ZMIZ2: variants seen among roughly 807,000 people sequenced by gnomAD.
ZMIZ2 encodes zinc finger MIZ domain-containing protein 2.
In ZMIZ2, 26 loss-of-function variants were observed where a neutral mutation model predicts 93.9. That is an observed-to-expected ratio of 0.28 (90% confidence interval 0.20 to 0.38). ZMIZ2 has a LOEUF of 0.38. ZMIZ2 is among the 10% of genes least tolerant of loss of function. The pLI is 1.00. For missense variants in ZMIZ2, 1,023 were observed against 1,235.0 expected, an observed-to-expected ratio of 0.83 and a Z score of 2.57; for synonymous variants, 485 against 516.4, an observed-to-expected ratio of 0.94 and a Z score of 0.82.
Position 44,756,998 on chromosome 7 carries a change from A to G in ZMIZ2, c.217A>G (p.Met73Val). ...PAGSPSGSSMMPGVAGGSSAL... is the reference protein window; with the variant it reads ...PAGSPSGSSMVPGVAGGSSAL... ...AGGGAGTCCCTCTGGCAGCTCCATG[A>G]TGCCTGGTGTGGCAGGGGGCAGCTC... Residue 73 changes from methionine (M) to valine (V), a missense_variant, in exon 4 of 19, where the codon ATG becomes GTG. Coordinates refer to ENST00000309315, the MANE Select transcript of ZMIZ2 (RefSeq NM_031449.4). The G allele has an allele frequency of 6.2e-7, 1 of 1,612,604 alleles. No individual in the cohort carries two copies. Among genetic ancestry groups the G allele is most frequent in the South Asian group, 1.1e-5 (1 of 91,008 alleles).
chr7:44,762,306 A>G (rs62460479), intron 11 of ZMIZ2, among the ~76,000 whole-genome samples: 2,608 of 152,294 alleles, frequency 0.017, 34 homozygotes, highest in Non-Finnish European at 0.026. Context: ...TGATGCTCAC[A>G]TTAATTATGT....
At chr7:44,764,125 G>A (rs570468122) in intron 13 of ZMIZ2, among the ~76,000 whole-genome samples, 1 of 152,232 alleles carries the variant, frequency 6.6e-6, no homozygotes, top group South Asian at 2.1e-4. Context: ...GTGACAGAGC[G>A]AGACTCTTGT....
intron 3 of ZMIZ2, 53 bp downstream of exon 3, chr7:44,756,592 G>C: frequency 6.3e-7 from 1 of 1,575,702 alleles, no homozygotes; most frequent in Non-Finnish European, 8.7e-7. Context: ...CCCAGCACTT[G>C]GCAGTGCTTA....
Position 44,765,840 on chromosome 7 carries a change from C to A in ZMIZ2, c.2242+261C>A. 9.0e-7 allele frequency: 1 copy of A among 1,110,996 alleles called. No homozygotes were observed. Among genetic ancestry groups the A allele is most frequent in the Non-Finnish European group, 1.2e-6 (1 of 810,256 alleles). 68.8% of individuals were successfully genotyped at this position (1,110,996 alleles called of 1,614,324 possible). The stretch of plus-strand genomic sequence containing the variant: ...TTCCTTCCCCGTTTGGATTAAGGGG[C>A]TCCTGGCTGGAACACCTCACAGGAC... On this transcript the variant is annotated intron_variant, in intron 16 of 18. Transcript: ENST00000309315. This position sits in a 1 kb window ranked among gnomAD's most constrained non-coding sequence, Gnocchi z 4.1.
In ZMIZ2 at chr7:44,757,453, AGCTGCTGCAGCTGTGGCT is replaced by A. The variant is rs1208913503; in HGVS notation, c.450_467del (p.Val153_Ala158del). On this transcript the variant is annotated inframe_deletion, in exon 5 of 19. Transcript: ENST00000309315. ...CCTCCACTGACTTCACGCAAGCGGC[AGCTGCTGCAGCTGTGGCT>A]GCTGCGGCAGCCACTGCCACCGCCA... is the stretch of plus-strand genomic sequence containing the variant. 11 of 1,606,992 alleles carry A rather than the reference AGCTGCTGCAGCTGTGGCT, an allele frequency of 6.8e-6. No homozygotes were observed. Among genetic ancestry groups the A allele is most frequent in the African/African-American group, 1.3e-5 (1 of 75,016 alleles).
rs1583650924 is a variant in ZMIZ2, at chr7:44,763,546, C to A, written c.1860+133C>A. On this transcript the variant is annotated intron_variant, in intron 13 of 18. Transcript: ENST00000309315. The surrounding 1 kb of genome is among the most constrained non-coding windows in gnomAD (Gnocchi z 5.6). Reference sequence around the variant, plus strand: ...TGTCAGGCTGACAGGACAGGCCTCCCACGCCAAGGAGGCAGGTGGGCCTGG... The same window carrying A: ...TGTCAGGCTGACAGGACAGGCCTCCAACGCCAAGGAGGCAGGTGGGCCTGG... 3.9e-6 allele frequency: 5 copies of A among 1,285,724 alleles called. No individual in the cohort carries two copies. The highest frequency in any genetic ancestry group is 1.5e-5 in the African/African-American group (1 of 67,056). 79.6% of individuals were successfully genotyped at this position (1,285,724 alleles called of 1,614,324 possible).
At chr7:44,760,638 T>TG in intron 9 of ZMIZ2, 45 bp downstream of exon 9, 1 of 1,608,362 alleles carries the variant, frequency 6.2e-7, no homozygotes, top group Non-Finnish European at 8.5e-7. Context: ...AAGGCCAGGG[T>TG]GGGCATGGGG....
intron 11 of ZMIZ2, 157 bp downstream of exon 11, chr7:44,762,062 C>T: frequency 1.0e-6 from 1 of 1,003,838 alleles, no homozygotes; most frequent in Non-Finnish European, 1.4e-6. Context: ...CGGCCTGCAG[C>T]ACCATCAGAT....
chr7:44,754,288 C>A (rs1163092375), intron 1 of ZMIZ2, among the ~76,000 whole-genome samples: 1 of 152,192 alleles, frequency 6.6e-6, no homozygotes, highest in African/African-American at 2.4e-5. Flanking sequence ...TGCCTGGAGC[C>A]TTCTGGAGCC....
In ZMIZ2 at chr7:44,765,001, C is replaced by T. The variant is rs973378398; in HGVS notation, c.1989C>T (p.Tyr663=). 3.4e-5 allele frequency: 55 copies of T among 1,614,112 alleles called. No individual in the cohort carries two copies. The highest frequency in any genetic ancestry group is 3.9e-5 in the Non-Finnish European group (46 of 1,180,030). ...VDQYMLGILI[Y]IQNSDYEEIT... is the part of the protein sequence containing the mutation. ...AGTACATGCTGGGCATCCTGATTTA[C>T]ATTCAGAAGTAAGCATCCTCTTCCT... Residue 663 remains tyrosine, a synonymous_variant, in exon 15 of 19, where the codon TAC becomes TAT. Coordinates refer to ENST00000309315, the MANE Select transcript of ZMIZ2 (RefSeq NM_031449.4). The surrounding 1 kb of genome is among the most constrained non-coding windows in gnomAD (Gnocchi z 4.1).
Position 44,767,988 on chromosome 7 carries a change from G to T in ZMIZ2, c.*365G>T. On this transcript the variant is annotated 3_prime_UTR_variant, in exon 19 of 19. Transcript: ENST00000309315. ...ACCCCTGCCTGCCCCCACCCAGCCT[G>T]CTTCTTGTCCAGCATTGATCCTTCT... 1 of 349,384 alleles carries T rather than the reference G, an allele frequency of 2.9e-6. No individual in the cohort carries two copies. The highest frequency in any genetic ancestry group is 5.5e-6 in the Non-Finnish European group (1 of 181,962). 21.6% of individuals were successfully genotyped at this position (349,384 alleles called of 1,614,324 possible).
At chr7:44,755,229 C>G (rs550215661) in intron 1 of ZMIZ2, among the ~76,000 whole-genome samples, 1 of 152,210 alleles carries the variant, frequency 6.6e-6, no homozygotes, top group African/African-American at 2.4e-5. Context: ...TCCACTCAGC[C>G]CCATCTTGCA....
In ZMIZ2 at chr7:44,766,248, C is replaced by T. The variant is rs777588413; in HGVS notation, c.2327C>T (p.Pro776Leu). ...PSTPTLAEFT[P>L]GPPPISYQSD... ...ACCCCAACCCTTGCTGAGTTCACCC[C>T]GGGACCACCCCCCATCTCCTACCAG... The change falls in exon 17 of 19, where the codon CCG (proline) becomes CTG (leucine). Residue 776 changes from proline (P) to leucine (L), a missense_variant. Physicochemically the swap from Pro to Leu is moderately conservative, Grantham distance 98 (BLOSUM62 -3). This residue lies in a region of ZMIZ2 where 319 missense variants were observed against 358.8 expected (regional missense o/e 0.89). Transcript: ENST00000309315. This position sits in a 1 kb window ranked among gnomAD's most constrained non-coding sequence, Gnocchi z 4.4. The T allele has an allele frequency of 7.5e-6, 12 of 1,602,526 alleles. No homozygotes were observed. The highest frequency in any genetic ancestry group is 4.5e-5 in the East Asian group (2 of 44,860).
In ZMIZ2 at chr7:44,765,524, CTT is replaced by C; in HGVS notation, c.2189_2190del (p.Phe730CysfsTer29). 2 of 1,588,388 alleles carry C rather than the reference CTT, an allele frequency of 1.3e-6. No homozygotes were observed. The highest frequency in any genetic ancestry group is 8.5e-7 in the Non-Finnish European group (1 of 1,175,204). ...CCGCCCTGGGCCCCGGCGCTGCCCC[CTT>C]TGCCCCCCTGCAGCCCCCCTCAGTC... The part of the protein sequence containing the change: ...IAALGPGAAP[F>X]APLQPPSVPA... On this transcript the variant is annotated frameshift_variant, in exon 16 of 19. Transcript: ENST00000309315. LOFTEE classifies it high-confidence loss of function. The surrounding 1 kb of genome is among the most constrained non-coding windows in gnomAD (Gnocchi z 4.1).
intron 1 of ZMIZ2, among the ~76,000 whole-genome samples, chr7:44,755,137 T>A (rs1406786819): frequency 6.6e-6 from 1 of 152,194 alleles, no homozygotes; most frequent in Non-Finnish European, 1.5e-5. Flanking sequence ...GTAAGTCCCA[T>A]GGTGCCAGCA....
chr7:44,759,591 T>A, intron 7 of ZMIZ2, 131 bp downstream of exon 7: 47 of 409,976 alleles, frequency 1.1e-4, no homozygotes, highest in East Asian at 1.6e-4. Flanking sequence ...TAGGTCCATG[T>A]GTGCTCATGG....
chr7:44,766,044 C>A lies in ZMIZ2; in HGVS notation c.2243-120C>A. The A allele has an allele frequency of 6.8e-7, 1 of 1,467,142 alleles. No homozygotes were observed. The highest frequency in any genetic ancestry group is 1.8e-4 in the Middle Eastern group (1 of 5,522). The allele number at this position is 1,467,142 out of a possible 1,614,324, so 90.9% of individuals were successfully genotyped here. A position where few individuals can be genotyped will look rare whatever the true frequency, so the allele number is the denominator to read the frequency against. On this transcript the variant is annotated intron_variant, in intron 16 of 18. Transcript: ENST00000309315. The surrounding 1 kb of genome is among the most constrained non-coding windows in gnomAD (Gnocchi z 4.4). Reference sequence around the variant, plus strand: ...CAAATAGCGACTTCTGCAAAACCCGCTGTTGTTTGTGGGTGAGCACTGCAA... The same window carrying A: ...CAAATAGCGACTTCTGCAAAACCCGATGTTGTTTGTGGGTGAGCACTGCAA...
rs895391250 is a variant in ZMIZ2 at position 44,765,906 on chromosome 7, G to T, written c.2243-258G>T. ...CCCCCCTCTGGGACCCACCTCACAC[G>T]CGTGGTGCGTTTGTTTGTGGCTGCT... On this transcript the variant is annotated intron_variant, in intron 16 of 18. Coordinates refer to ENST00000309315, the MANE Select transcript of ZMIZ2 (RefSeq NM_031449.4). The surrounding 1 kb of genome is among the most constrained non-coding windows in gnomAD (Gnocchi z 4.1). 1.4e-6 allele frequency: 2 copies of T among 1,386,402 alleles called. No individual in the cohort carries two copies. The highest frequency in any genetic ancestry group is 1.7e-5 in the South Asian group (1 of 58,160). The allele number at this position is 1,386,402 out of a possible 1,614,324, so 85.9% of individuals were successfully genotyped here.
In ZMIZ2 at chr7:44,767,507, T is replaced by C; in HGVS notation, c.2656-9T>C. 6.2e-7 allele frequency: 1 copy of C among 1,612,802 alleles called. No homozygotes were observed. Among genetic ancestry groups the C allele is most frequent in the East Asian group, 2.2e-5 (1 of 44,876 alleles). On this transcript the variant is annotated splice_polypyrimidine_tract_variant and intron_variant, in intron 18 of 18. Coordinates refer to ENST00000309315, the MANE Select transcript of ZMIZ2 (RefSeq NM_031449.4). ...CCAAAGCTGCTAACAGAGTTCACTT[T>C]GTCCTCAGCTGCTCCCGGAACTGAC...
Sources: allele counts gnomAD v4.1 joint callset (sites outside exome capture counted in the v4.1 genomes callset), GRCh38; gene constraint gnomAD v4.1.1; regional missense constraint gnomAD v4.1.1; non-coding constraint Gnocchi (gnomAD v3.1); transcripts MANE v1.5; gene names NCBI Gene and HGNC (gene_info 2026-07-23, HGNC 2026-07-21).